The following RAB20 variants were observed in gnomAD, a reference collection of about 807,000 sequenced individuals.
The protein encoded by RAB20 is ras-related protein Rab-20.
In RAB20, 2 loss-of-function variants were observed where a neutral mutation model predicts 3.7. The observed-to-expected ratio is 0.54, with a 90% CI of 0.22 to 1.69. The LOEUF (loss-of-function observed/expected upper bound fraction) is 1.69, where lower values mean the gene tolerates loss of function less well. RAB20 is among the 40% of genes most tolerant of loss of function. The probability of loss-of-function intolerance (pLI) is 0.19; values close to 1 mark genes in which losing one functional copy is unlikely to be tolerated. For synonymous variants in RAB20, 126 were observed against 130.8 expected (o/e 0.96, Z 0.25); for missense variants, 276 against 311.9 (o/e 0.88, Z 0.87).
Position 110,549,990 on chromosome 13 carries a change from C to T in RAB20, c.172+11358G>A, listed in dbSNP as rs186725983. On this transcript the variant is annotated intron_variant, in intron 1 of 1. Transcript: ENST00000267328. Reference sequence around the variant, plus strand: ...CTACCCTCCTCGGCCTCCCACACTGCTGGGATGACAGGCCTGAGCCACCAC... The same window carrying T: ...CTACCCTCCTCGGCCTCCCACACTGTTGGGATGACAGGCCTGAGCCACCAC... Among the ~76,000 whole-genome samples the T allele has an allele frequency of 3.7e-3, 564 of 152,328 alleles. 1 individual carries two copies. The highest frequency in any genetic ancestry group is 6.8e-3 in the Middle Eastern group (2 of 294).
chr13:110,528,030 G>T (rs1884462897), intron 1 of RAB20, among the ~76,000 whole-genome samples: 1 of 151,958 alleles, frequency 6.6e-6, no homozygotes, highest in Admixed American at 6.6e-5. Context: ...TTGAGCCAAG[G>T]AGTTCGAGGC....
chr13:110,531,316 T>TG (rs1884537164), intron 1 of RAB20, among the ~76,000 whole-genome samples: 2 of 152,230 alleles, frequency 1.3e-5, no homozygotes, highest in Non-Finnish European at 2.9e-5. Context: ...CTCCACCCTG[T>TG]GATCCCACAG....
chr13:110,529,731 G>T (rs2139575048), intron 1 of RAB20, among the ~76,000 whole-genome samples: 1 of 152,306 alleles, frequency 6.6e-6, no homozygotes, highest in African/African-American at 2.4e-5. Context: ...ACGGGTTCAA[G>T]CCTGAGGAAG....
chr13:110,542,831 G>A (rs1347820647), intron 1 of RAB20, among the ~76,000 whole-genome samples: 1 of 152,204 alleles, frequency 6.6e-6, no homozygotes, highest in Non-Finnish European at 1.5e-5. Flanking sequence ...CAGTGGGACT[G>A]CTGGATCATT....
intron 1 of RAB20, among the ~76,000 whole-genome samples, chr13:110,532,453 T>G (rs1291862192): frequency 2.0e-5 from 3 of 152,122 alleles, no homozygotes; most frequent in Non-Finnish European, 4.4e-5. Context: ...CTCAGCTCAC[T>G]GCAAACTCCA....
At chr13:110,529,232 C>A (rs189631692) in intron 1 of RAB20, among the ~76,000 whole-genome samples, 1 of 152,314 alleles carries the variant, frequency 6.6e-6, no homozygotes, top group East Asian at 1.9e-4. Context: ...ATCCAAGGAC[C>A]CTCACGCGTT....
intron 1 of RAB20, among the ~76,000 whole-genome samples, chr13:110,542,966 C>G (rs1156736313): frequency 1.3e-5 from 2 of 152,210 alleles, no homozygotes; most frequent in African/African-American, 4.8e-5. Flanking sequence ...TACCCTTTGT[C>G]TTTCTGATGA....
At chr13:110,547,650 C>T (rs1463507683) in intron 1 of RAB20, among the ~76,000 whole-genome samples, 1 of 152,170 alleles carries the variant, frequency 6.6e-6, no homozygotes, top group Admixed American at 6.5e-5. Context: ...GATCAGATCC[C>T]CACTCCACCA....
intron 1 of RAB20, among the ~76,000 whole-genome samples, chr13:110,552,015 T>G (rs562986158): frequency 6.6e-6 from 1 of 151,900 alleles, no homozygotes; most frequent in East Asian, 1.9e-4. Flanking sequence ...AGGTCAAAGC[T>G]GCAGTGAGCC....
Position 110,555,350 on chromosome 13 carries a change from C to T in RAB20, c.172+5998G>A, listed in dbSNP as rs1437371214. On this transcript the variant is annotated intron_variant, in intron 1 of 1. Coordinates refer to ENST00000267328, the MANE Select transcript of RAB20 (RefSeq NM_017817.3). The surrounding 1 kb of genome is among the most constrained non-coding windows in gnomAD (Gnocchi z 4.0). ...ACTCAAAAACTTCCTGGGACTGGGG[C>T]TCCAGTCCTCTCCATTCCACACCAC... 6.6e-6 allele frequency among the ~76,000 whole-genome samples: 1 copy of T among 152,196 alleles called. No homozygotes were observed. The highest frequency in any genetic ancestry group is 1.5e-5 in the Non-Finnish European group (1 of 68,026).
At chr13:110,560,944 G>A (rs1431509606) in intron 1 of RAB20, among the ~76,000 whole-genome samples, 2 of 152,262 alleles carry the variant, frequency 1.3e-5, no homozygotes, top group African/African-American at 4.8e-5. Context: ...TTAGAAAGGG[G>A]CTAATAACAC....
chr13:110,545,710 C>G (rs1262413590), intron 1 of RAB20, among the ~76,000 whole-genome samples: 1 of 152,056 alleles, frequency 6.6e-6, no homozygotes, highest in Non-Finnish European at 1.5e-5. Flanking sequence ...ATCAGTGCCA[C>G]CTTGGGAAGA....
In RAB20 at chr13:110,523,200, T is replaced by G. The variant is rs1884360268; in HGVS notation, c.*465A>C. The G allele has an allele frequency of 7.4e-6, 3 of 406,258 alleles. No homozygotes were observed. In the East Asian group the frequency reaches 1.1e-4, roughly 14 times the overall value. 25.2% of individuals were successfully genotyped at this position (406,258 alleles called of 1,614,324 possible). ...GGATTATAAAGCATCAAGATACAAGTACCAAGTGGGAGGACCAAAGACAAC... is the reference window on the plus strand; with the variant it reads ...GGATTATAAAGCATCAAGATACAAGGACCAAGTGGGAGGACCAAAGACAAC... On this transcript the variant is annotated 3_prime_UTR_variant, in exon 2 of 2. Coordinates refer to ENST00000267328, the MANE Select transcript of RAB20 (RefSeq NM_017817.3).
intron 1 of RAB20, among the ~76,000 whole-genome samples, chr13:110,553,572 T>C (rs1157728547): frequency 1.3e-5 from 2 of 152,224 alleles, no homozygotes; most frequent in Non-Finnish European, 2.9e-5. Context: ...AAAGCAGCCA[T>C]AGACAATGCA....
intron 1 of RAB20, among the ~76,000 whole-genome samples, chr13:110,528,753 A>G (rs990429680): frequency 3.9e-5 from 6 of 152,228 alleles, no homozygotes; most frequent in Admixed American, 3.9e-4. Flanking sequence ...CCTTTAAAAA[A>G]CTAAAAAAGG....
At chr13:110,532,426 G>C (rs1349845994) in intron 1 of RAB20, among the ~76,000 whole-genome samples, 2 of 151,588 alleles carry the variant, frequency 1.3e-5, no homozygotes, top group African/African-American at 4.9e-5. Flanking sequence ...GCCCAGGCTG[G>C]AGTGCAGTGA....
At chr13:110,558,853 A>G (rs955258288) in intron 1 of RAB20, among the ~76,000 whole-genome samples, 3 of 151,796 alleles carry the variant, frequency 2.0e-5, no homozygotes, top group African/African-American at 7.3e-5. Context: ...GTGCGCCACC[A>G]CGCCCTGCTA....
At chr13:110,538,132 G>C (rs1362710292) in intron 1 of RAB20, among the ~76,000 whole-genome samples, 1 of 151,812 alleles carries the variant, frequency 6.6e-6, no homozygotes, top group African/African-American at 2.4e-5. Context: ...CCAGCTACTT[G>C]GGAGGCTGAG....
intron 1 of RAB20, among the ~76,000 whole-genome samples, chr13:110,533,455 G>A (rs918854544): frequency 1.3e-5 from 2 of 152,158 alleles, no homozygotes; most frequent in Admixed American, 1.3e-4. Context: ...GGCTGATGTG[G>A]GAGGATCCCT....
Sources: allele counts gnomAD v4.1 joint callset (sites outside exome capture counted in the v4.1 genomes callset), GRCh38; gene constraint gnomAD v4.1.1; non-coding constraint Gnocchi (gnomAD v3.1); transcripts MANE v1.5; gene names NCBI Gene and HGNC (gene_info 2026-07-23, HGNC 2026-07-21).